QKI: variants seen among roughly 807,000 people sequenced by gnomAD.
QKI encodes QKI, KH domain containing RNA binding.
Under a neutral mutation model 39.0 loss-of-function variants are expected in QKI, and 10 were observed. The observed-to-expected ratio is 0.26, with a 90% CI of 0.16 to 0.43. The LOEUF is 0.43. Among genes scored for constraint, QKI ranks in the 20% least tolerant of loss-of-function variants. QKI has a pLI of 1.00. For missense variants in QKI, 218 were observed against 428.0 expected (o/e 0.51, Z 4.33); for synonymous variants, 204 against 155.4 (o/e 1.31, Z -2.33).
intron 3 of QKI, among the ~76,000 whole-genome samples, chr6:163,513,675 C>T (rs1440168364): frequency 2.0e-5 from 3 of 152,088 alleles, no homozygotes; most frequent in South Asian, 4.1e-4. Flanking sequence ...TTACTATTCT[C>T]CTCTAGAATT....
intron 4 of QKI, among the ~76,000 whole-genome samples, chr6:163,561,781 A>G (rs1783031396): frequency 2.6e-5 from 4 of 152,230 alleles, no homozygotes. Context: ...AATATGCTGT[A>G]TATCAACATG....
At chr6:163,513,906 A>G (rs1034292466) in intron 3 of QKI, among the ~76,000 whole-genome samples, 5 of 151,992 alleles carry the variant, frequency 3.3e-5, no homozygotes, top group African/African-American at 1.2e-4. Context: ...CCTGGTGTGC[A>G]CAGGGTAATG....
intron 4 of QKI, among the ~76,000 whole-genome samples, chr6:163,551,652 G>A (rs372854906): frequency 5.3e-5 from 8 of 152,292 alleles, no homozygotes; most frequent in Admixed American, 3.9e-4. Context: ...GTTTTCTACC[G>A]CTACTCTTCT....
At chr6:163,538,130 A>G (rs1053067549) in intron 4 of QKI, among the ~76,000 whole-genome samples, 3 of 152,166 alleles carry the variant, frequency 2.0e-5, no homozygotes, top group Non-Finnish European at 4.4e-5. Context: ...AGTTCATTCA[A>G]CAAATGTTAA....
At chr6:163,535,266 A>G (rs1213780006) in intron 4 of QKI, 141 bp downstream of exon 4, 1 of 831,622 alleles carries the variant, frequency 1.2e-6, no homozygotes, top group African/African-American at 1.8e-5. Flanking sequence ...CACCTGACTG[A>G]TACTTCTAAC....
In QKI at chr6:163,563,605, A is replaced by G. The variant is rs549859518; in HGVS notation, c.820A>G (p.Ile274Val). Residue 274 changes from isoleucine (I) to valine (V), a missense_variant, in exon 6 of 8, where the codon ATA (isoleucine) becomes GTA (valine). By Grantham distance (29) the Ile-to-Val change is conservative (BLOSUM62 3). Transcript: ENST00000361752. ...PNGTPHPTAA[I>V]VPPGPEAGLI... ...CGGAACTCCTCACCCAACTGCTGCA[A>G]TAGTTCCTCCAGGGCCCGAAGCTGG... The G allele has an allele frequency of 3.7e-6, 6 of 1,614,180 alleles. No homozygotes were observed. In the East Asian group the frequency reaches 6.7e-5, roughly 18 times the overall value.
At chr6:163,505,575 A>G (rs540371539) in intron 3 of QKI, among the ~76,000 whole-genome samples, 2 of 152,092 alleles carry the variant, frequency 1.3e-5, no homozygotes, top group East Asian at 1.9e-4. Flanking sequence ...ATGACTGCCT[A>G]CCCGGGTTTT....
chr6:163,525,432 C>T (rs1780442716), intron 3 of QKI, among the ~76,000 whole-genome samples: 1 of 151,988 alleles, frequency 6.6e-6, no homozygotes, highest in African/African-American at 2.4e-5. Context: ...AGTCTTGCCT[C>T]ACTGCAGCCT....
intron 3 of QKI, among the ~76,000 whole-genome samples, chr6:163,529,695 A>C (rs1490774359): frequency 6.6e-6 from 1 of 152,200 alleles, no homozygotes; most frequent in Non-Finnish European, 1.5e-5. Context: ...GTGAATGAAC[A>C]CGGCACTTCA....
At chr6:163,523,322 G>C (rs1780274972) in intron 3 of QKI, among the ~76,000 whole-genome samples, 1 of 152,174 alleles carries the variant, frequency 6.6e-6, no homozygotes, top group Non-Finnish European at 1.5e-5. Flanking sequence ...GAATGCACGA[G>C]AAAGCACCAT....
intron 7 of QKI, chr6:163,567,560 C>T (rs1783438428): frequency 1.0e-6 from 1 of 983,034 alleles, no homozygotes; most frequent in Admixed American, 6.2e-5. Context: ...GAAAATAAGT[C>T]TTCATTTTTC....
intron 1 of QKI, among the ~76,000 whole-genome samples, chr6:163,417,308 A>T (rs1270483353): frequency 6.6e-6 from 1 of 152,172 alleles, no homozygotes; most frequent in Non-Finnish European, 1.5e-5. Context: ...CGATAAAATG[A>T]AAATAGGCCT....
intron 1 of QKI, among the ~76,000 whole-genome samples, chr6:163,444,678 T>C (rs895130591): frequency 6.6e-6 from 1 of 152,210 alleles, no homozygotes; most frequent in African/African-American, 2.4e-5. Flanking sequence ...TAAGCACTTA[T>C]ATTTAACATA....
chr6:163,424,277 T>C (rs991226688), intron 1 of QKI, among the ~76,000 whole-genome samples: 2 of 152,184 alleles, frequency 1.3e-5, no homozygotes, highest in Non-Finnish European at 2.9e-5. Flanking sequence ...GATTCCACCG[T>C]GGTTGCAGTG....
rs1304434257 is a variant in QKI at position 163,575,974 on chromosome 6, GTAGAA to G, written c.*5270_*5274del. 2 of 152,028 alleles carry G rather than the reference GTAGAA, an allele frequency of 1.3e-5. No homozygotes were observed. Among genetic ancestry groups the G allele is most frequent in the Non-Finnish European group, 2.9e-5 (2 of 68,020 alleles). The allele number at this position is 152,028 out of a possible 1,614,324, so 9.4% of individuals were successfully genotyped here. Reference sequence around the variant, plus strand: ...CAGCATTTCAAGCAAATTATTTTAGGTAGAATAGAACTTACTGCCAAATGATTATT... The same window carrying G: ...CAGCATTTCAAGCAAATTATTTTAGGTAGAACTTACTGCCAAATGATTATT... On this transcript the variant is annotated 3_prime_UTR_variant, in exon 8 of 8. Coordinates refer to ENST00000361752, the MANE Select transcript of QKI (RefSeq NM_006775.3).
At chr6:163,523,623 T>C (rs1780294053) in intron 3 of QKI, among the ~76,000 whole-genome samples, 1 of 152,202 alleles carries the variant, frequency 6.6e-6, no homozygotes, top group Admixed American at 6.5e-5. Context: ...AACTAGTATA[T>C]TTGTATTTGA....
At chr6:163,507,304 G>A (rs73244801) in intron 3 of QKI, among the ~76,000 whole-genome samples, 3 of 152,086 alleles carry the variant, frequency 2.0e-5, no homozygotes, top group African/African-American at 4.8e-5. Context: ...TTCTGTTTCC[G>A]GTAATGAATG....
chr6:163,555,168 CTA>C (rs1782505179), intron 4 of QKI, among the ~76,000 whole-genome samples: 1 of 152,004 alleles, frequency 6.6e-6, no homozygotes, highest in Admixed American at 6.6e-5. Context: ...TTATAGAAAA[CTA>C]ATTCATTTTT....
chr6:163,570,311 C>G, intron 7 of QKI: 3 of 980,922 alleles, frequency 3.1e-6, no homozygotes, highest in Non-Finnish European at 3.6e-6. Context: ...CAGTCAGATA[C>G]TGATAACTGC....
Sources: gnomAD v4.1 joint callset for allele counts (sites outside exome capture counted in the v4.1 genomes callset) on GRCh38, gnomAD v4.1.1 for gene constraint, MANE v1.5 for transcripts, NCBI Gene and HGNC (gene_info 2026-07-23, HGNC 2026-07-21) for gene names.